CWC22: variants seen among roughly 807,000 people sequenced by gnomAD.
CWC22 encodes pre-mRNA-splicing factor CWC22 homolog.
CWC22 carries 53 observed loss-of-function variants against 117.2 expected under a neutral mutation model. That is an observed-to-expected ratio of 0.45 (90% confidence interval 0.36 to 0.57). The LOEUF (loss-of-function observed/expected upper bound fraction) is 0.57. CWC22 is among the 20% of genes least tolerant of loss of function. The probability of loss-of-function intolerance (pLI) is 0.00; values close to 1 mark genes in which losing one functional copy is unlikely to be tolerated. For missense variants in CWC22, 980 were observed against 1,068.8 expected (o/e 0.92, Z 1.16); for synonymous variants, 360 against 355.6 (o/e 1.01, Z -0.14).
At chr2:180,001,272 C>T (rs1048069679) in intron 1 of CWC22, among the ~76,000 whole-genome samples, 19 of 152,056 alleles carry the variant, frequency 1.2e-4, no homozygotes, top group Non-Finnish European at 2.8e-4. Context: ...ACTGTCTCAT[C>T]CCTACACAGC....
At chr2:180,005,076 C>T (rs911722001) in intron 1 of CWC22, among the ~76,000 whole-genome samples, 4 of 151,734 alleles carry the variant, frequency 2.6e-5, no homozygotes, top group African/African-American at 9.7e-5. Context: ...TCCACGTTTC[C>T]GATTCAACAG....
At chr2:179,990,603 A>C (rs1427910244) in intron 2 of CWC22, among the ~76,000 whole-genome samples, 10 of 151,692 alleles carry the variant, frequency 6.6e-5, no homozygotes. Flanking sequence ...GGGCAGGGAG[A>C]GGAGAGAGGA....
In CWC22 at chr2:179,945,069, TA is replaced by T; in HGVS notation, c.*59del. On this transcript the variant is annotated 3_prime_UTR_variant, in exon 20 of 20. Transcript: ENST00000410053. ...GAATTCTCTATAAAGTTCGTCAAAGTAAAAAATAATTTGTTTCAACTGAATA... is the reference window on the plus strand; with the variant it reads ...GAATTCTCTATAAAGTTCGTCAAAGTAAAAATAATTTGTTTCAACTGAATA... The T allele has an allele frequency of 8.2e-7, 1 of 1,214,328 alleles. No individual in the cohort carries two copies. Among genetic ancestry groups the T allele is most frequent in the Non-Finnish European group, 1.1e-6 (1 of 879,220 alleles). The allele number at this position is 1,214,328 out of a possible 1,614,324, so 75.2% of individuals were successfully genotyped here.
At position 179,950,666 on chromosome 2, in the gene CWC22, C is replaced by A; in HGVS notation, c.1986G>T (p.Glu662Asp). ...KVIVAQKPDV[E>D]QNKSSPSSSS... Reference sequence around the variant, plus strand: ...AAGAGGATGGGGAGGATTTATTTTGCTCAACATCTGGTTTCTGCGCCACAA... The same window carrying A: ...AAGAGGATGGGGAGGATTTATTTTGATCAACATCTGGTTTCTGCGCCACAA... Residue 662 changes from glutamate (E) to aspartate (D), a missense_variant, in exon 19 of 20, where the codon GAG becomes GAT. Physicochemically the swap from Glu to Asp is conservative, Grantham distance 45. This residue lies in a region of CWC22 where 306 missense variants were observed against 296.8 expected (regional missense o/e 1.03). Coordinates refer to ENST00000410053, the MANE Select transcript of CWC22 (RefSeq NM_020943.3). 1 of 1,613,610 alleles carries A rather than the reference C, an allele frequency of 6.2e-7. No individual in the cohort carries two copies. The highest frequency in any genetic ancestry group is 8.5e-7 in the Non-Finnish European group (1 of 1,179,638).
At chr2:179,957,425 C>T (rs944854441) in intron 14 of CWC22, among the ~76,000 whole-genome samples, 12 of 152,154 alleles carry the variant, frequency 7.9e-5, no homozygotes, top group African/African-American at 2.9e-4. Context: ...ATATTTTAGG[C>T]TTTAGAGTCC....
chr2:179,976,036 GA>G (rs1264955822), intron 6 of CWC22, among the ~76,000 whole-genome samples: 1 of 152,116 alleles, frequency 6.6e-6, no homozygotes, highest in Non-Finnish European at 1.5e-5. Flanking sequence ...AAAACAGAAT[GA>G]CAATAGTATA....
In CWC22 at chr2:179,952,452, T is replaced by G. The variant is rs145434246; in HGVS notation, c.1817+19A>C. 9,641 of 1,546,880 alleles carry G rather than the reference T, an allele frequency of 6.2e-3. 46 individuals are homozygous for G. The highest frequency in any genetic ancestry group is 7.4e-3 in the Non-Finnish European group (8,519 of 1,146,260). On this transcript the variant is annotated intron_variant, in intron 17 of 19. Coordinates refer to ENST00000410053, the MANE Select transcript of CWC22 (RefSeq NM_020943.3). ...ACCAGAGGTCAATAAGAATAAAAAG[T>G]GCTTAATGGCAAACTTACTCATCCT...
intron 17 of CWC22, 26 bp downstream of exon 17, chr2:179,952,444 AT>A: frequency 6.5e-7 from 1 of 1,537,410 alleles, no homozygotes; most frequent in Non-Finnish European, 8.8e-7. Flanking sequence ...GTCAATAAGA[AT>A]AAAAAGTGCT....
At chr2:179,994,475 A>T (rs1451049880) in intron 1 of CWC22, among the ~76,000 whole-genome samples, 1 of 152,228 alleles carries the variant, frequency 6.6e-6, no homozygotes, top group Admixed American at 6.5e-5. Context: ...TACCATAAGG[A>T]CACCCTGTTA....
At chr2:180,006,686 T>C (rs1380937069) in intron 1 of CWC22, among the ~76,000 whole-genome samples, 181 bp downstream of exon 1, 1 of 152,132 alleles carries the variant, frequency 6.6e-6, no homozygotes, top group African/African-American at 2.4e-5. Context: ...ACCCGGGCAC[T>C]AGGAAAGGGG....
At chr2:179,956,067 T>A (rs1459626592) in intron 14 of CWC22, among the ~76,000 whole-genome samples, 1 of 151,932 alleles carries the variant, frequency 6.6e-6, no homozygotes, top group Non-Finnish European at 1.5e-5. Context: ...ACCTTTATAT[T>A]TTCAATGAAC....
intron 13 of CWC22, among the ~76,000 whole-genome samples, chr2:179,960,196 T>C (rs1686712166): frequency 6.6e-6 from 1 of 152,032 alleles, no homozygotes; most frequent in South Asian, 2.1e-4. Flanking sequence ...CTGTATATAA[T>C]GAATTTATTA....
rs780636881 is a variant in CWC22 at position 179,981,843 on chromosome 2, C to T, written c.361G>A (p.Glu121Lys). The part of the protein sequence containing the change: ...DEPATKKKKD[E>K]LDPLLTRTGG... The stretch of plus-strand genomic sequence containing the variant: ...GTGCGAGTAAGAAGAGGATCCAGCT[C>T]ATCTTTCTTTTTCTTTGTAGCAGGT... Residue 121 changes from glutamate (E) to lysine (K), a missense_variant, in exon 5 of 20, where the codon GAG (glutamate) becomes AAG (lysine). Glu to Lys is a moderately conservative substitution (Grantham distance 56). Around this residue, in one of 3 missense-constraint regions of CWC22, gnomAD observed 559 missense variants for 602.3 expected, o/e 0.93. Coordinates refer to ENST00000410053, the MANE Select transcript of CWC22 (RefSeq NM_020943.3). 1 of 1,613,814 alleles carries T rather than the reference C, an allele frequency of 6.2e-7. No individual in the cohort carries two copies. The highest frequency in any genetic ancestry group is 2.2e-5 in the East Asian group (1 of 44,860).
chr2:179,987,290 T>A (rs1199191056), intron 3 of CWC22, among the ~76,000 whole-genome samples: 2 of 152,122 alleles, frequency 1.3e-5, no homozygotes, highest in Non-Finnish European at 2.9e-5. Context: ...TGAGAATGGA[T>A]TGAAATTATT....
chr2:180,001,324 TTTTTTC>T (rs1687844239), intron 1 of CWC22, among the ~76,000 whole-genome samples: 1 of 151,914 alleles, frequency 6.6e-6, no homozygotes, highest in Non-Finnish European at 1.5e-5. Context: ...CCTCTAATTT[TTTTTTC>T]TTTTTTTTTT....
chr2:179,977,734 T>A (rs1687187215), intron 6 of CWC22, among the ~76,000 whole-genome samples: 2 of 152,208 alleles, frequency 1.3e-5, no homozygotes, highest in South Asian at 4.1e-4. Flanking sequence ...CCACAAAAAA[T>A]GACAGGCATG....
intron 19 of CWC22, among the ~76,000 whole-genome samples, chr2:179,946,744 A>G (rs1686314714): frequency 6.6e-6 from 1 of 152,228 alleles, no homozygotes; most frequent in Non-Finnish European, 1.5e-5. Context: ...ACATAGGAGG[A>G]GTAGAACAAC....
At chr2:179,977,943 G>A (rs1036018053) in intron 6 of CWC22, among the ~76,000 whole-genome samples, 18 of 152,226 alleles carry the variant, frequency 1.2e-4, no homozygotes, top group African/African-American at 4.3e-4. Flanking sequence ...TTAAGTAAAT[G>A]TCTGCAAAAA....
intron 4 of CWC22, 52 bp downstream of exon 4, chr2:179,986,641 AAG>A: frequency 9.9e-7 from 1 of 1,014,262 alleles, no homozygotes; most frequent in Non-Finnish European, 1.5e-6. Flanking sequence ...ATGTAGCATA[AAG>A]AGAGTTTAAA....
Sources: gnomAD v4.1 joint callset for allele counts (sites outside exome capture counted in the v4.1 genomes callset) on GRCh38, gnomAD v4.1.1 for gene constraint, gnomAD v4.1.1 regional missense constraint, MANE v1.5 for transcripts, NCBI Gene and HGNC (gene_info 2026-07-23, HGNC 2026-07-21) for gene names.